TANGO6: variants seen among roughly 807,000 people sequenced by gnomAD.
TANGO6 encodes the protein transport and golgi organization 6 homolog, also known as transport and Golgi organization protein 6 homolog.
TANGO6 carries 90 observed loss-of-function variants against 114.2 expected under a neutral mutation model. The observed-to-expected ratio is 0.79, with a 90% CI of 0.66 to 0.94. The LOEUF (loss-of-function observed/expected upper bound fraction) is 0.94. Among genes scored for constraint, TANGO6 ranks in the 40% least tolerant of loss-of-function variants. The pLI, the probability that TANGO6 is intolerant of heterozygous loss-of-function variation, is 0.00. For synonymous variants in TANGO6, 477 were observed against 509.8 expected, an observed-to-expected ratio of 0.94 and a Z score of 0.87; for missense variants, 1,274 against 1,315.3, an observed-to-expected ratio of 0.97 and a Z score of 0.49.
chr16:69,031,396 T>G (rs564766530), intron 16 of TANGO6, among the ~76,000 whole-genome samples: 7 of 151,976 alleles, frequency 4.6e-5, no homozygotes, highest in Non-Finnish European at 1.0e-4. Flanking sequence ...AGTTCCTATG[T>G]GTTTCAATAA....
intron 1 of TANGO6, 28 bp from the exon 2 acceptor site, chr16:68,859,856 A>G: frequency 6.5e-7 from 1 of 1,532,804 alleles, no homozygotes. Context: ...CTATGTGTAT[A>G]AACTCTCCTT....
intron 4 of TANGO6, chr16:68,867,544 T>A: frequency 4.3e-6 from 1 of 230,238 alleles, no homozygotes; most frequent in Non-Finnish European, 8.5e-6. Context: ...AAATGTTAAA[T>A]AAAGCTAGGT....
chr16:68,844,424 G>A (rs769917779), intron 1 of TANGO6, among the ~76,000 whole-genome samples: 2 of 152,106 alleles, frequency 1.3e-5, no homozygotes, highest in Non-Finnish European at 2.9e-5. Flanking sequence ...CAGACAAATT[G>A]TTCAGTATAG....
Position 69,083,703 on chromosome 16 carries a change from A to G in TANGO6, c.*42A>G, listed in dbSNP as rs1960500197. Reference sequence around the variant, plus strand: ...GTGGAGGAGGCAGGCAGGGCCAGGCACCCAGAGCCGTGCCCAGGTCTTCCA... The same window carrying G: ...GTGGAGGAGGCAGGCAGGGCCAGGCGCCCAGAGCCGTGCCCAGGTCTTCCA... On this transcript the variant is annotated 3_prime_UTR_variant, in exon 18 of 18. Coordinates refer to ENST00000261778, the MANE Select transcript of TANGO6 (RefSeq NM_024562.2). 6.5e-7 allele frequency: 1 copy of G among 1,535,366 alleles called. No individual in the cohort carries two copies. The highest frequency in any genetic ancestry group is 1.4e-5 in the African/African-American group (1 of 72,708).
intron 15 of TANGO6, among the ~76,000 whole-genome samples, chr16:69,011,455 CTTT>C (rs79675600): frequency 2.2e-5 from 3 of 136,684 alleles, no homozygotes; most frequent in Non-Finnish European, 3.2e-5. Flanking sequence ...TTAGTGTGTT[CTTT>C]TTTTTTTTTT....
At chr16:68,896,341 A>G (rs1369066249) in intron 7 of TANGO6, among the ~76,000 whole-genome samples, 1 of 149,574 alleles carries the variant, frequency 6.7e-6, no homozygotes, top group Non-Finnish European at 1.5e-5. Context: ...TTAATTTTTT[A>G]GAGACGGAAT....
rs749590298 is a variant in TANGO6, at chr16:68,919,265, G to T, written c.2127+46G>T. ...AAGCTTGAATGGAGGGAAGGGAGAA[G>T]CGAAATACCAGTTGTTTTCCTTCCA... On this transcript the variant is annotated intron_variant, in intron 12 of 17. Transcript: ENST00000261778. 5.6e-6 allele frequency: 9 copies of T among 1,594,408 alleles called. No individual in the cohort carries two copies. In the South Asian group the frequency reaches 1.0e-4, roughly 18 times the overall value.
chr16:68,992,155 T>C (rs897379565), intron 15 of TANGO6, among the ~76,000 whole-genome samples: 6 of 152,242 alleles, frequency 3.9e-5, no homozygotes, highest in Admixed American at 6.5e-5. Flanking sequence ...ATATTTAGTC[T>C]TCTAGTAGGG....
chr16:68,860,543 A>G lies in TANGO6; in HGVS notation c.735+19A>G. On this transcript the variant is annotated intron_variant, in intron 2 of 17. Transcript: ENST00000261778. ...AGAAGAGGTAAATATACATTGAGAAAGAGAGAGGGAGAGATTGTGTGTGTA... is the reference window on the plus strand; with the variant it reads ...AGAAGAGGTAAATATACATTGAGAAGGAGAGAGGGAGAGATTGTGTGTGTA... 6.2e-7 allele frequency: 1 copy of G among 1,604,660 alleles called. No individual in the cohort carries two copies. Among genetic ancestry groups the G allele is most frequent in the Admixed American group, 1.7e-5 (1 of 59,726 alleles).
chr16:69,073,950 G>C (rs1960334106), intron 17 of TANGO6, among the ~76,000 whole-genome samples: 2 of 146,688 alleles, frequency 1.4e-5, no homozygotes, highest in South Asian at 4.4e-4. Context: ...CACAGAGCAA[G>C]ACTCCATCTT....
At chr16:68,930,599 T>G (rs908590831) in intron 14 of TANGO6, among the ~76,000 whole-genome samples, 11 of 152,076 alleles carry the variant, frequency 7.2e-5, no homozygotes, top group African/African-American at 2.4e-4. Flanking sequence ...ACATGAACTC[T>G]TATCACATTA....
At chr16:68,929,049 G>C (rs1439075739) in intron 13 of TANGO6, among the ~76,000 whole-genome samples, 1 of 152,116 alleles carries the variant, frequency 6.6e-6, no homozygotes, top group African/African-American at 2.4e-5. Flanking sequence ...CTCCCAAGTA[G>C]CTGGGATTAC....
chr16:69,048,258 ATTTTTTTT>A (rs71383949), intron 17 of TANGO6, among the ~76,000 whole-genome samples: 124 of 111,622 alleles, frequency 1.1e-3, no homozygotes, highest in Admixed American at 2.6e-3. Context: ...AATTTTTTGT[ATTTTTTTT>A]TTTTTTTTTT....
intron 7 of TANGO6, among the ~76,000 whole-genome samples, chr16:68,880,903 C>G (rs755985109): frequency 6.6e-6 from 1 of 152,064 alleles, no homozygotes; most frequent in Non-Finnish European, 1.5e-5. Flanking sequence ...GTCTGGTTTT[C>G]ACTTTGAAAA....
At chr16:68,906,937 G>T (rs552093248) in intron 9 of TANGO6, among the ~76,000 whole-genome samples, 3 of 151,826 alleles carry the variant, frequency 2.0e-5, no homozygotes, top group Non-Finnish European at 4.4e-5. Context: ...GGGATTATAG[G>T]CATGAGCCAC....
chr16:68,927,512 C>T, intron 12 of TANGO6, 56 bp from the exon 13 acceptor site: 4 of 1,567,444 alleles, frequency 2.6e-6, no homozygotes, highest in Non-Finnish European at 3.5e-6. Context: ...GTGCTCAGGT[C>T]ATATTGAAAT....
intron 15 of TANGO6, among the ~76,000 whole-genome samples, chr16:68,984,212 T>C (rs1413971162): frequency 1.3e-5 from 2 of 152,092 alleles, no homozygotes; most frequent in Non-Finnish European, 2.9e-5. Context: ...AGTCAAGTGT[T>C]AGAGCTCACA....
intron 17 of TANGO6, among the ~76,000 whole-genome samples, chr16:69,083,272 G>A (rs918649856): frequency 6.6e-6 from 1 of 151,872 alleles, no homozygotes; most frequent in Non-Finnish European, 1.5e-5. Flanking sequence ...CGTTGCCCAC[G>A]CTGGTCTCAA....
intron 17 of TANGO6, among the ~76,000 whole-genome samples, chr16:69,064,963 C>T (rs7194541): frequency 0.024 from 3,617 of 152,210 alleles, 149 homozygotes; most frequent in African/African-American, 0.082. Flanking sequence ...GCCTGTTCCC[C>T]CATATGTGAT....
Sources: gnomAD v4.1 joint callset for allele counts (sites outside exome capture counted in the v4.1 genomes callset) on GRCh38, gnomAD v4.1.1 for gene constraint, MANE v1.5 for transcripts, NCBI Gene and HGNC (gene_info 2026-07-23, HGNC 2026-07-21) for gene names.